SLC23A2: variants seen among roughly 807,000 people sequenced by gnomAD.
SLC23A2 encodes the protein Na(+)/L-ascorbic acid transporter 2.
Under a neutral mutation model 73.3 loss-of-function variants are expected in SLC23A2, and 36 were observed. That is an observed-to-expected ratio of 0.49 (90% confidence interval 0.38 to 0.65). The LOEUF (loss-of-function observed/expected upper bound fraction) is 0.65. Among genes scored for constraint, SLC23A2 ranks in the 30% least tolerant of loss-of-function variants. The pLI is 0.00. For synonymous variants in SLC23A2, 343 were observed against 327.3 expected (o/e 1.05, Z -0.52); for missense variants, 507 against 841.6 (o/e 0.60, Z 4.92).
At chr20:4,896,428 C>A (rs1478980645) in intron 6 of SLC23A2, among the ~76,000 whole-genome samples, 2 of 151,484 alleles carry the variant, frequency 1.3e-5, no homozygotes, top group Non-Finnish European at 2.9e-5. Context: ...ACAGCAAAAG[C>A]CCCCCTCAGC....
chr20:4,865,757 C>T (rs1413746966), intron 13 of SLC23A2, among the ~76,000 whole-genome samples: 1 of 152,156 alleles, frequency 6.6e-6, no homozygotes. Context: ...GCTTAACTCC[C>T]TGATATAAAA....
rs1386515235 is a variant in SLC23A2, at chr20:4,872,516, C to G, written c.1102+1420G>C. ...AGCCCAGCTTGTGCCCCTACTGGCGCCCACCTTGGGAGTTGCCTGCACAAG... is the reference window on the plus strand; with the variant it reads ...AGCCCAGCTTGTGCCCCTACTGGCGGCCACCTTGGGAGTTGCCTGCACAAG... On this transcript the variant is annotated intron_variant, in intron 11 of 16. Coordinates refer to ENST00000338244, the MANE Select transcript of SLC23A2 (RefSeq NM_005116.6). This position sits in a 1 kb window ranked among gnomAD's most constrained non-coding sequence, Gnocchi z 4.4. Among the ~76,000 whole-genome samples, 1 of 152,100 alleles carries G rather than the reference C, an allele frequency of 6.6e-6. No individual in the cohort carries two copies. Among genetic ancestry groups the G allele is most frequent in the Non-Finnish European group, 1.5e-5 (1 of 68,014 alleles).
intron 2 of SLC23A2, among the ~76,000 whole-genome samples, chr20:4,964,169 A>G (rs2087436795): frequency 6.6e-6 from 1 of 151,818 alleles, no homozygotes; most frequent in Admixed American, 6.6e-5. Flanking sequence ...TAATTTTTCT[A>G]TTTTTGGTAG....
upstream of SLC23A2, among the ~76,000 whole-genome samples, chr20:5,003,105 C>G (rs1239254794): frequency 2.0e-5 from 3 of 152,162 alleles, no homozygotes; most frequent in African/African-American, 7.2e-5. Context: ...AAGATGCGGC[C>G]GGGCGCGGTG....
intron 2 of SLC23A2, among the ~76,000 whole-genome samples, chr20:4,958,331 T>C (rs1366660100): frequency 6.6e-6 from 1 of 152,136 alleles, no homozygotes; most frequent in Non-Finnish European, 1.5e-5. Context: ...CTGGAATGAG[T>C]ATTCTCAGAT....
chr20:4,969,599 T>TC (rs1555806927), intron 2 of SLC23A2, among the ~76,000 whole-genome samples: 1 of 147,344 alleles, frequency 6.8e-6, no homozygotes. Context: ...TTTTTTTTTT[T>TC]CTTGAGGCAG....
intron 9 of SLC23A2, among the ~76,000 whole-genome samples, chr20:4,879,758 T>C (rs1412877190): frequency 6.6e-6 from 1 of 152,236 alleles, no homozygotes; most frequent in Non-Finnish European, 1.5e-5. Context: ...TTTGATCATC[T>C]GTGAATTCTT....
intron 1 of SLC23A2, among the ~76,000 whole-genome samples, chr20:4,986,135 T>C (rs1417227637): frequency 2.0e-5 from 3 of 152,110 alleles, no homozygotes; most frequent in East Asian, 3.9e-4. Context: ...AAAATTTTTA[T>C]CATGAAATCC....
At chr20:4,920,151 C>A (rs554386167) in intron 3 of SLC23A2, among the ~76,000 whole-genome samples, 2 of 152,270 alleles carry the variant, frequency 1.3e-5, no homozygotes, top group Non-Finnish European at 1.5e-5. Context: ...ATCCTAGCTA[C>A]TTGGGAGACT....
chr20:4,974,360 G>A (rs1295769686), intron 1 of SLC23A2, among the ~76,000 whole-genome samples: 2 of 152,010 alleles, frequency 1.3e-5, no homozygotes, highest in East Asian at 3.9e-4. Flanking sequence ...CCAGCTACTC[G>A]GGAAGGCTGA....
In SLC23A2 at chr20:4,862,937, G is replaced by C. The variant is rs770265869; in HGVS notation, c.1357-30C>G. On this transcript the variant is annotated intron_variant, in intron 13 of 16. Transcript: ENST00000338244. This position sits in a 1 kb window ranked among gnomAD's most constrained non-coding sequence, Gnocchi z 5.1. ...AGAACACACAGGAGACTGGGAAACA[G>C]GGACTCATCTCCATGCAAAATCACC... is the stretch of plus-strand genomic sequence containing the variant. 23 of 1,591,574 alleles carry C rather than the reference G, an allele frequency of 1.4e-5. No homozygotes were observed. The highest frequency in any genetic ancestry group is 2.0e-5 in the Non-Finnish European group (23 of 1,163,596).
chr20:4,867,937 A>G, intron 12 of SLC23A2, 62 bp from the exon 13 acceptor site: 2 of 977,442 alleles, frequency 2.0e-6, no homozygotes, highest in South Asian at 2.6e-5. Context: ...TCACTCTGAA[A>G]TAGCCTCTAC....
intron 2 of SLC23A2, among the ~76,000 whole-genome samples, chr20:4,962,295 G>C (rs1381508215): frequency 6.6e-6 from 1 of 152,074 alleles, no homozygotes; most frequent in Non-Finnish European, 1.5e-5. Context: ...GAGGGAGCTT[G>C]ACAAGTTCTG....
At position 4,902,510 on chromosome 20, in the gene SLC23A2, G is replaced by C; in HGVS notation, c.256C>G (p.Arg86Gly). Reference sequence around the variant, plus strand: ...TCTATGGTATAAATCATGTCTGATCGCTGGGGGTCCAGACTGCCAGTGCTA... The same window carrying C: ...TCTATGGTATAAATCATGTCTGATCCCTGGGGGTCCAGACTGCCAGTGCTA... ...LDSTGSLDPQ[R>G]SDMIYTIEDV... Residue 86 changes from arginine (R) to glycine (G), a missense_variant, in exon 5 of 17, where the codon CGA (arginine) becomes GGA (glycine). Physicochemically the swap from Arg to Gly is moderately radical, Grantham distance 125. Around this residue, in one of 5 missense-constraint regions of SLC23A2, gnomAD observed 78 missense variants for 86.7 expected, o/e 0.90. Coordinates refer to ENST00000338244, the MANE Select transcript of SLC23A2 (RefSeq NM_005116.6). The surrounding 1 kb of genome is among the most constrained non-coding windows in gnomAD (Gnocchi z 4.0). 1 of 1,613,010 alleles carries C rather than the reference G, an allele frequency of 6.2e-7. No homozygotes were observed.
intron 6 of SLC23A2, among the ~76,000 whole-genome samples, chr20:4,894,091 C>G (rs1568612707): frequency 1.3e-5 from 2 of 152,104 alleles, no homozygotes; most frequent in Non-Finnish European, 1.5e-5. Flanking sequence ...TGTACTAATT[C>G]CCGGAACAAG....
intron 1 of SLC23A2, among the ~76,000 whole-genome samples, chr20:4,986,672 A>ACG (rs1218187357): frequency 6.4e-5 from 9 of 140,546 alleles, no homozygotes; most frequent in Non-Finnish European, 1.1e-4. Context: ...ACACACACAC[A>ACG]CACACACACA....
intron 6 of SLC23A2, among the ~76,000 whole-genome samples, chr20:4,897,330 C>T (rs1931575128): frequency 6.6e-6 from 1 of 152,184 alleles, no homozygotes; most frequent in African/African-American, 2.4e-5. Flanking sequence ...TCAGCACCAC[C>T]TGATTTATGA....
At chr20:4,922,056 C>T (rs1181879397) in intron 3 of SLC23A2, among the ~76,000 whole-genome samples, 1 of 152,144 alleles carries the variant, frequency 6.6e-6, no homozygotes, top group Non-Finnish European at 1.5e-5. Flanking sequence ...TGAACTTTTT[C>T]TCCAATAGAA....
At chr20:4,995,804 A>C (rs1489833261) in intron 1 of SLC23A2, among the ~76,000 whole-genome samples, 1 of 152,134 alleles carries the variant, frequency 6.6e-6, no homozygotes, top group African/African-American at 2.4e-5. Flanking sequence ...TAGGATGAAA[A>C]GCGTTAATAC....
Sources: gnomAD v4.1 joint callset for allele counts (sites outside exome capture counted in the v4.1 genomes callset) on GRCh38, gnomAD v4.1.1 for gene constraint, gnomAD v4.1.1 regional missense constraint, Gnocchi (gnomAD v3.1) non-coding constraint, MANE v1.5 for transcripts, NCBI Gene and HGNC (gene_info 2026-07-23, HGNC 2026-07-21) for gene names.